The following TRABD2B variants were observed in gnomAD, a reference collection of about 807,000 sequenced individuals.
The protein encoded by TRABD2B is metalloprotease TIKI2.
Under a neutral mutation model 40.1 loss-of-function variants are expected in TRABD2B, and 14 were observed. The ratio of observed to expected loss-of-function variants is 0.35; its 90% CI spans 0.23 to 0.55. The LOEUF (loss-of-function observed/expected upper bound fraction) is 0.55, where lower values mean the gene tolerates loss of function less well. Among genes scored for constraint, TRABD2B ranks in the 20% least tolerant of loss-of-function variants. The pLI is 0.90. For missense variants in TRABD2B, 541 were observed against 648.6 expected (o/e 0.83, Z 1.80); for synonymous variants, 263 against 277.0 (o/e 0.95, Z 0.50).
chr1:47,940,956 A>G (rs1466727556), intron 2 of TRABD2B, among the ~76,000 whole-genome samples: 1 of 152,186 alleles, frequency 6.6e-6, no homozygotes, highest in African/African-American at 2.4e-5. Context: ...TCCAGCCCAG[A>G]AGAGCAGTAG....
rs538567575 is a variant in TRABD2B, at chr1:47,831,394, C to G, written c.667-29775G>C. ...TGGATTTAAAATACACTCAGAGGAG[C>G]CTGGGGCTCCTTTGCTGCTGCGGGC... On this transcript the variant is annotated intron_variant, in intron 2 of 6. Coordinates refer to ENST00000606738, the MANE Select transcript of TRABD2B (RefSeq NM_001194986.2). Among the ~76,000 whole-genome samples the G allele has an allele frequency of 2.3e-4, 35 of 152,214 alleles. 1 individual carries two copies. The highest frequency in any genetic ancestry group is 5.8e-4 in the East Asian group (3 of 5,162).
At chr1:47,888,587 C>T (rs1349282645) in intron 2 of TRABD2B, among the ~76,000 whole-genome samples, 1 of 152,202 alleles carries the variant, frequency 6.6e-6, no homozygotes, top group African/African-American at 2.4e-5. Flanking sequence ...CTCTTGATCA[C>T]CTCCAAACTG....
At chr1:47,866,606 C>T (rs2124574045) in intron 2 of TRABD2B, among the ~76,000 whole-genome samples, 1 of 152,266 alleles carries the variant, frequency 6.6e-6, no homozygotes, top group East Asian at 1.9e-4. Flanking sequence ...CACAAACTTC[C>T]CAAACCCTTC....
At chr1:47,973,999 G>A (rs1431469128) in intron 2 of TRABD2B, among the ~76,000 whole-genome samples, 1 of 152,142 alleles carries the variant, frequency 6.6e-6, no homozygotes, top group Non-Finnish European at 1.5e-5. Context: ...AACTATTGGG[G>A]AGGCTGAGGT....
chr1:47,767,475 T>G (rs565934303), intron 6 of TRABD2B, among the ~76,000 whole-genome samples: 5 of 152,308 alleles, frequency 3.3e-5, no homozygotes, highest in Non-Finnish European at 5.9e-5. Context: ...AGGCTCTGTG[T>G]GAAGCACTGG....
At chr1:47,930,030 T>A (rs1207592873) in intron 2 of TRABD2B, among the ~76,000 whole-genome samples, 1 of 152,188 alleles carries the variant, frequency 6.6e-6, no homozygotes, top group Non-Finnish European at 1.5e-5. Flanking sequence ...TCTACTGTGA[T>A]ACACTGTGAG....
intron 6 of TRABD2B, among the ~76,000 whole-genome samples, chr1:47,768,008 C>G (rs1644328189): frequency 6.6e-6 from 1 of 152,194 alleles, no homozygotes; most frequent in Non-Finnish European, 1.5e-5. Flanking sequence ...CCAAGCATAT[C>G]CTGACTCCAC....
At chr1:47,842,142 G>C (rs1216685362) in intron 2 of TRABD2B, among the ~76,000 whole-genome samples, 1 of 152,192 alleles carries the variant, frequency 6.6e-6, no homozygotes, top group Non-Finnish European at 1.5e-5. Flanking sequence ...CAAAAGGTTT[G>C]TAGAAAGTGC....
chr1:47,872,322 G>A (rs544093423), intron 2 of TRABD2B, among the ~76,000 whole-genome samples: 9 of 152,272 alleles, frequency 5.9e-5, no homozygotes, highest in Admixed American at 5.9e-4. Flanking sequence ...AGATGACCTT[G>A]AGCAGGCTGC....
rs181228154 is a variant in TRABD2B at position 47,878,053 on chromosome 1, G to C, written c.667-76434C>G. ...TTTGTGGTCGGGCACGGTGGCTTAC[G>C]CCTGTAATCCCAGCACTTTGGGAGG... On this transcript the variant is annotated intron_variant, in intron 2 of 6. Transcript: ENST00000606738. Among the ~76,000 whole-genome samples the C allele has an allele frequency of 2.6e-5, 4 of 151,666 alleles. No individual in the cohort carries two copies. In the East Asian group the frequency reaches 7.8e-4, roughly 29 times the overall value.
intron 2 of TRABD2B, among the ~76,000 whole-genome samples, chr1:47,861,870 G>T (rs1430474814): frequency 1.3e-5 from 2 of 152,086 alleles, no homozygotes; most frequent in Non-Finnish European, 2.9e-5. Context: ...CTCAGCAAAA[G>T]ATTAGCAAAT....
intron 2 of TRABD2B, among the ~76,000 whole-genome samples, chr1:47,878,182 G>A (rs921881220): frequency 1.3e-5 from 2 of 152,092 alleles, no homozygotes; most frequent in African/African-American, 4.8e-5. Flanking sequence ...CAGGTGTGGT[G>A]GCGAGCACCT....
At chr1:47,860,864 T>A (rs1030383863) in intron 2 of TRABD2B, among the ~76,000 whole-genome samples, 4 of 152,206 alleles carry the variant, frequency 2.6e-5, no homozygotes, top group African/African-American at 9.7e-5. Context: ...TGATGTAGTA[T>A]GAAAGCCCTT....
chr1:47,917,130 A>G (rs961914895), intron 2 of TRABD2B, among the ~76,000 whole-genome samples: 1 of 152,166 alleles, frequency 6.6e-6, no homozygotes, highest in African/African-American at 2.4e-5. Context: ...GCACGCAAGG[A>G]CGGGCTCCAG....
chr1:47,989,914 C>T (rs1422949122), intron 2 of TRABD2B, among the ~76,000 whole-genome samples: 1 of 152,186 alleles, frequency 6.6e-6, no homozygotes, highest in African/African-American at 2.4e-5. Context: ...TGTGTAATCA[C>T]AGCCAAATGA....
At chr1:47,951,078 T>C (rs1487443513) in intron 2 of TRABD2B, among the ~76,000 whole-genome samples, 1 of 152,198 alleles carries the variant, frequency 6.6e-6, no homozygotes, top group Non-Finnish European at 1.5e-5. Context: ...CCAAAAGTCC[T>C]GCAGGGCATG....
intron 2 of TRABD2B, among the ~76,000 whole-genome samples, chr1:47,860,517 C>G (rs1343069382): frequency 6.6e-6 from 1 of 152,182 alleles, no homozygotes; most frequent in African/African-American, 2.4e-5. Context: ...GGTGCCAAAT[C>G]CCTGTTACAA....
intron 2 of TRABD2B, among the ~76,000 whole-genome samples, chr1:47,981,216 G>C (rs148833203): frequency 3.9e-4 from 59 of 152,224 alleles, no homozygotes; most frequent in Non-Finnish European, 3.7e-4. Context: ...GTTTCACCAT[G>C]TTGACCAGAT....
chr1:47,857,460 G>C (rs1399075852), intron 2 of TRABD2B, among the ~76,000 whole-genome samples: 4 of 152,124 alleles, frequency 2.6e-5, no homozygotes, highest in African/African-American at 4.8e-5. Context: ...CAGAACCATA[G>C]ACTTCTCCTT....
Sources: gnomAD v4.1 joint callset for allele counts (sites outside exome capture counted in the v4.1 genomes callset) on GRCh38, gnomAD v4.1.1 for gene constraint, MANE v1.5 for transcripts, NCBI Gene and HGNC (gene_info 2026-07-23, HGNC 2026-07-21) for gene names.